Variants in LIPC observed in about 807,000 individuals in gnomAD.
LIPC encodes hepatic triacylglycerol lipase.
Under a neutral mutation model 50.7 loss-of-function variants are expected in LIPC, and 44 were observed. The ratio of observed to expected loss-of-function variants is 0.87; its 90% CI spans 0.68 to 1.11. The LOEUF (loss-of-function observed/expected upper bound fraction) is 1.11, where lower values mean the gene tolerates loss of function less well. Among genes scored for constraint, LIPC ranks in the 50% most tolerant of loss-of-function variants. The pLI is 0.00. For missense variants in LIPC, 697 were observed against 648.2 expected (o/e 1.08, Z -0.82); for synonymous variants, 271 against 256.4 (o/e 1.06, Z -0.54).
intron 1 of LIPC, among the ~76,000 whole-genome samples, chr15:58,499,276 G>A (rs969485545): frequency 6.6e-6 from 1 of 152,142 alleles, no homozygotes; most frequent in African/African-American, 2.4e-5. Context: ...AGATTCTTTG[G>A]GGGTAGAGCC....
At position 58,438,512 on chromosome 15, in the gene LIPC, C is replaced by T. The variant is rs942544725; in HGVS notation, c.88+6392C>T. ...CAATAGGACCCTCCAGATCCCTGCC[C>T]AGCAGGCTGGACTTCAGTCCCAAGG... On this transcript the variant is annotated intron_variant, in intron 1 of 8. Coordinates refer to ENST00000299022, the MANE Select transcript of LIPC (RefSeq NM_000236.3). Among the ~76,000 whole-genome samples the T allele has an allele frequency of 7.2e-5, 11 of 152,012 alleles. 1 individual carries two copies. Among genetic ancestry groups the T allele is most frequent in the Non-Finnish European group, 1.5e-5 (1 of 68,002 alleles).
At chr15:58,507,807 T>C (rs1438043035) in intron 1 of LIPC, among the ~76,000 whole-genome samples, 1 of 152,116 alleles carries the variant, frequency 6.6e-6, no homozygotes, top group Non-Finnish European at 1.5e-5. Flanking sequence ...CACTGGAGGA[T>C]CCATAGAGAA....
rs553424005 is a variant in LIPC at position 58,544,210 on chromosome 15, C to G, written c.575-1532C>G. 1.2e-3 allele frequency among the ~76,000 whole-genome samples: 190 copies of G among 152,240 alleles called. 1 individual carries two copies. The highest frequency in any genetic ancestry group is 2.5e-3 in the Admixed American group (38 of 15,296). On this transcript the variant is annotated intron_variant, in intron 4 of 8. Coordinates refer to ENST00000299022, the MANE Select transcript of LIPC (RefSeq NM_000236.3). ...AGGTCAGAGTCCACACCCAGCGAGG[C>G]AGCCTCAGGCCCAAGGCCCAGAACC...
intron 1 of LIPC, among the ~76,000 whole-genome samples, chr15:58,477,270 A>C (rs796681641): frequency 5.9e-4 from 90 of 152,294 alleles, no homozygotes; most frequent in African/African-American, 2.1e-3. Context: ...GGGGTAAAGC[A>C]CTTCTGAGGG....
Position 58,568,862 on chromosome 15 carries a change from A to C in LIPC, c.*35A>C, listed in dbSNP as rs556681735. On this transcript the variant is annotated 3_prime_UTR_variant, in exon 9 of 9. Transcript: ENST00000299022. ...AAGACCCAGTGTAAAGAATAAATGA[A>C]TCTTACTCCTTATCTGGAATGGCTG... 4 of 1,232,722 alleles carry C rather than the reference A, an allele frequency of 3.2e-6. No individual in the cohort carries two copies. The South Asian group carries it at 5.3e-5, about 16-fold the overall frequency. The allele number at this position is 1,232,722 out of a possible 1,614,324, so 76.4% of individuals were successfully genotyped here.
chr15:58,545,745 T>C lies in LIPC; in HGVS notation c.578T>C (p.Leu193Pro), dbSNP rs954993789. 6.2e-7 allele frequency: 1 copy of C among 1,614,140 alleles called. No individual in the cohort carries two copies. Among genetic ancestry groups the C allele is most frequent in the Non-Finnish European group, 8.5e-7 (1 of 1,179,970 alleles). Residue 193 changes from leucine (L) to proline (P), a missense_variant, in exon 5 of 9, where the codon CTG (leucine) becomes CCG (proline). Physicochemically the swap from Leu to Pro is moderately conservative, Grantham distance 98. Transcript: ENST00000299022. ...GTHKIGRITG[L>P]DAAGPLFEGS... ...CTTACCCCTGCTTTCCCATTAGGGC[T>C]GGATGCCGCGGGACCTTTGTTTGAG...
At chr15:58,461,848 T>C (rs141782961) in intron 1 of LIPC, among the ~76,000 whole-genome samples, 1 of 151,834 alleles carries the variant, frequency 6.6e-6, no homozygotes, top group African/African-American at 2.4e-5. Flanking sequence ...CCGGTTCCGA[T>C]TCCCTTCAAA....
chr15:58,547,347 C>T (rs779124295), intron 5 of LIPC, among the ~76,000 whole-genome samples: 2 of 152,102 alleles, frequency 1.3e-5, no homozygotes, highest in Admixed American at 6.6e-5. Flanking sequence ...GTTTTCTCGT[C>T]GAAAACAGCG....
intron 1 of LIPC, among the ~76,000 whole-genome samples, chr15:58,480,826 C>T (rs907213140): frequency 2.0e-5 from 3 of 152,170 alleles, no homozygotes; most frequent in Non-Finnish European, 1.5e-5. Context: ...AAAGATTGGA[C>T]TGTCCTGATT....
intron 1 of LIPC, among the ~76,000 whole-genome samples, chr15:58,528,778 C>T (rs1449180712): frequency 1.3e-5 from 2 of 152,242 alleles, no homozygotes; most frequent in Admixed American, 6.5e-5. Flanking sequence ...AAGGAAGCAG[C>T]AATCTTCTCT....
intron 1 of LIPC, among the ~76,000 whole-genome samples, chr15:58,532,548 A>G (rs1267038489): frequency 6.6e-6 from 1 of 152,230 alleles, no homozygotes; most frequent in African/African-American, 2.4e-5. Flanking sequence ...CAAATTAAAT[A>G]ATGCATGTTG....
At chr15:58,453,370 A>AC (rs1313178254) in intron 1 of LIPC, among the ~76,000 whole-genome samples, 2 of 151,554 alleles carry the variant, frequency 1.3e-5, no homozygotes, top group African/African-American at 2.4e-5. Flanking sequence ...TCCTGCAGGC[A>AC]CCCTCATTCC....
At chr15:58,511,836 G>T (rs966842641) in intron 1 of LIPC, among the ~76,000 whole-genome samples, 13 of 152,116 alleles carry the variant, frequency 8.5e-5, no homozygotes, top group African/African-American at 3.1e-4. Flanking sequence ...TTATAATTCT[G>T]GTACAACCAC....
intron 1 of LIPC, among the ~76,000 whole-genome samples, chr15:58,512,710 G>A (rs113897402): frequency 0.013 from 1,926 of 152,206 alleles, 52 homozygotes; most frequent in African/African-American, 0.045. Context: ...AGACAGAGGC[G>A]CCCTGGGATA....
chr15:58,541,976 C>G lies in LIPC; in HGVS notation c.456+9C>G. The G allele has an allele frequency of 6.2e-7, 1 of 1,603,520 alleles. No homozygotes were observed. Among genetic ancestry groups the G allele is most frequent in the South Asian group, 1.1e-5 (1 of 89,296 alleles). ...TTCTCCGGTGGCTGGAGGTACCGAC[C>G]TGCCCCATCCTTCCTTCACCTCCCT... On this transcript the variant is annotated intron_variant, in intron 3 of 8. Transcript: ENST00000299022.
Position 58,560,905 on chromosome 15 carries a change from G to T in LIPC, c.1093G>T (p.Glu365Ter). 1.3e-6 allele frequency: 2 copies of T among 1,504,984 alleles called. No homozygotes were observed. The highest frequency in any genetic ancestry group is 2.3e-5 in the South Asian group (2 of 88,814). The allele number at this position is 1,504,984 out of a possible 1,614,324, so 93.2% of individuals were successfully genotyped here. A position where few individuals can be genotyped will look rare whatever the true frequency, so the allele number is the denominator to read the frequency against. ...CAAGATCCAGTTCATCAACCAAACT[G>T]AGACACCAATACAAACAACTTTTAC... is the stretch of plus-strand genomic sequence containing the variant. The part of the protein sequence containing the change: ...QFKIQFINQT[E>*]TPIQTTFTMS... The change falls in exon 7 of 9, where the codon GAG becomes TAG. Residue 365 changes from glutamate to a stop codon, truncating the protein, a stop_gained. Transcript: ENST00000299022. LOFTEE classifies it high-confidence loss of function.
intron 6 of LIPC, 140 bp downstream of exon 6, chr15:58,548,712 C>G (rs1416245092): frequency 8.3e-7 from 1 of 1,207,724 alleles, no homozygotes; most frequent in Admixed American, 2.0e-5. Flanking sequence ...AGGCTCCAGA[C>G]AGCAACGTTG....
chr15:58,463,270 C>T (rs1309278386), intron 1 of LIPC, among the ~76,000 whole-genome samples: 1 of 152,210 alleles, frequency 6.6e-6, no homozygotes, highest in East Asian at 1.9e-4. Context: ...TGGCCACTTG[C>T]GTAGAGCAAA....
chr15:58,517,979 T>G lies in LIPC; in HGVS notation c.89-20354T>G, dbSNP rs7176473. ...GATCTTCTGACTCTTGGTCAAGAGC[T>G]CTATTCATTCCGCTGTGTCTGCTCT... On this transcript the variant is annotated intron_variant, in intron 1 of 8. Transcript: ENST00000299022. Among the ~76,000 whole-genome samples, 659 of 152,338 alleles carry G rather than the reference T, an allele frequency of 4.3e-3. 3 individuals carry two copies. The highest frequency in any genetic ancestry group is 0.015 in the African/African-American group (631 of 41,574).
Sources: gnomAD v4.1 joint callset for allele counts (sites outside exome capture counted in the v4.1 genomes callset) on GRCh38, gnomAD v4.1.1 for gene constraint, MANE v1.5 for transcripts, NCBI Gene and HGNC (gene_info 2026-07-23, HGNC 2026-07-21) for gene names.